Variants in HVCN1 observed in about 807,000 individuals in gnomAD.
HVCN1 encodes voltage-gated hydrogen channel 1.
HVCN1 carries 14 observed loss-of-function variants against 29.2 expected under a neutral mutation model. The observed-to-expected ratio is 0.48, with a 90% CI of 0.32 to 0.75. HVCN1 has a LOEUF of 0.75. HVCN1 is among the 30% of genes least tolerant of loss of function. The probability of loss-of-function intolerance (pLI) is 0.04; values close to 1 mark genes in which losing one functional copy is unlikely to be tolerated. For missense variants in HVCN1, 263 were observed against 341.8 expected (o/e 0.77, Z 1.82); for synonymous variants, 131 against 133.2 (o/e 0.98, Z 0.11).
intron 4 of HVCN1, among the ~76,000 whole-genome samples, chr12:110,656,310 T>G (rs2067988519): frequency 1.3e-5 from 2 of 152,122 alleles, no homozygotes; most frequent in Non-Finnish European, 2.9e-5. Context: ...CACAGCCTCC[T>G]GGGCTTTGTG....
At chr12:110,683,908 C>CT (rs1408795931) in intron 2 of HVCN1, among the ~76,000 whole-genome samples, 4 of 90,654 alleles carry the variant, frequency 4.4e-5, no homozygotes, top group Non-Finnish European at 5.9e-5. Flanking sequence ...AAGACTCTAT[C>CT]TAAAAAAAAA....
At position 110,661,493 on chromosome 12, in the gene HVCN1, C is replaced by T. The variant is rs772491949; in HGVS notation, c.22-45G>A. ...AGCAAGAGCTTCAGGCAGTTGGCCA[C>T]TCAGAGCCCACATGGCCCAGGCCGG... On this transcript the variant is annotated intron_variant, in intron 3 of 7. Transcript: ENST00000242607. This position sits in a 1 kb window ranked among gnomAD's most constrained non-coding sequence, Gnocchi z 6.2. 6.3e-7 allele frequency: 1 copy of T among 1,592,216 alleles called. No individual in the cohort carries two copies. The highest frequency in any genetic ancestry group is 2.2e-5 in the East Asian group (1 of 44,626).
intron 2 of HVCN1, among the ~76,000 whole-genome samples, chr12:110,700,135 G>A (rs73194023): frequency 0.059 from 8,913 of 152,324 alleles, 354 homozygotes; most frequent in Middle Eastern, 0.095. Flanking sequence ...CATGAACAAA[G>A]GAGACAGGAA....
chr12:110,699,860 T>C (rs532245573), intron 2 of HVCN1, among the ~76,000 whole-genome samples: 2 of 152,316 alleles, frequency 1.3e-5, no homozygotes, highest in South Asian at 4.1e-4. Flanking sequence ...GCCAGCGCTA[T>C]TTCTCATGCC....
chr12:110,677,245 T>C (rs1252180330), intron 3 of HVCN1, among the ~76,000 whole-genome samples: 1 of 151,156 alleles, frequency 6.6e-6, no homozygotes, highest in Non-Finnish European at 1.5e-5. Flanking sequence ...AGAAGCCCAC[T>C]CCTGTTTTGC....
At chr12:110,682,328 T>C (rs908424407) in intron 3 of HVCN1, among the ~76,000 whole-genome samples, 2 of 152,100 alleles carry the variant, frequency 1.3e-5, no homozygotes, top group African/African-American at 4.8e-5. Context: ...GCCTCCCTAG[T>C]AGCTGGGATT....
chr12:110,683,650 T>A (rs111630907), intron 2 of HVCN1, among the ~76,000 whole-genome samples: 12,179 of 152,088 alleles, frequency 0.08, 532 homozygotes, highest in Middle Eastern at 0.11. Flanking sequence ...TGGCTCACAC[T>A]TGTAATCCCA....
intron 5 of HVCN1, among the ~76,000 whole-genome samples, chr12:110,654,565 G>A (rs753139143): frequency 1.2e-4 from 17 of 146,588 alleles, no homozygotes; most frequent in Non-Finnish European, 1.6e-4. Context: ...TGCAGCCTCC[G>A]CCTCTGGGGT....
chr12:110,680,053 A>G (rs2068903057), intron 3 of HVCN1, among the ~76,000 whole-genome samples: 1 of 152,178 alleles, frequency 6.6e-6, no homozygotes, highest in South Asian at 2.1e-4. Context: ...ACACTCAAAA[A>G]GCTCTAAAAG....
In HVCN1 at chr12:110,649,395, G is replaced by C; in HGVS notation, c.*15C>G. 6.2e-7 allele frequency: 1 copy of C among 1,601,030 alleles called. No homozygotes were observed. The highest frequency in any genetic ancestry group is 8.5e-7 in the Non-Finnish European group (1 of 1,170,126). On this transcript the variant is annotated 3_prime_UTR_variant, in exon 8 of 8. Coordinates refer to ENST00000242607, the MANE Select transcript of HVCN1 (RefSeq NM_032369.4). ...ATGAGACAGTGTCTTCTTTTTGAGG[G>C]GAGCTGGTCCGGGTCTAGTTCACTT...
chr12:110,691,710 C>A (rs1430324982), upstream of HVCN1, among the ~76,000 whole-genome samples: 1 of 152,220 alleles, frequency 6.6e-6, no homozygotes, highest in East Asian at 1.9e-4. Flanking sequence ...AGGTGGTGAC[C>A]TCAACAGACC....
intron 3 of HVCN1, among the ~76,000 whole-genome samples, chr12:110,678,140 G>A (rs78611996): frequency 8.8e-4 from 134 of 152,298 alleles, no homozygotes; most frequent in African/African-American, 3.1e-3. Flanking sequence ...GAACAGAGAG[G>A]CCAGTGACTT....
At chr12:110,671,543 T>A (rs984325091) in intron 3 of HVCN1, among the ~76,000 whole-genome samples, 1 of 152,178 alleles carries the variant, frequency 6.6e-6, no homozygotes, top group African/African-American at 2.4e-5. Context: ...TGAGTTCCTG[T>A]TGTTGAAGCC....
chr12:110,662,920 A>G (rs1269607865), intron 3 of HVCN1, among the ~76,000 whole-genome samples: 1 of 152,038 alleles, frequency 6.6e-6, no homozygotes, highest in East Asian at 1.9e-4. Context: ...AGAAAGAAAA[A>G]CTCCATGGAA....
At chr12:110,691,162 A>G (rs1229736047), upstream of HVCN1, among the ~76,000 whole-genome samples, 1 of 151,778 alleles carries the variant, frequency 6.6e-6, no homozygotes, top group Non-Finnish European at 1.5e-5. Context: ...TCCCAGGTTC[A>G]TGCCATTCTC....
At chr12:110,683,782 G>T (rs1168627919) in intron 2 of HVCN1, among the ~76,000 whole-genome samples, 1 of 151,816 alleles carries the variant, frequency 6.6e-6, no homozygotes, top group Non-Finnish European at 1.5e-5. Context: ...ATGGTGGTGG[G>T]GACCTGTAAT....
At chr12:110,659,224 T>C (rs186596639) in intron 4 of HVCN1, among the ~76,000 whole-genome samples, 25 of 152,072 alleles carry the variant, frequency 1.6e-4, no homozygotes, top group African/African-American at 6.0e-4. Context: ...TCTTTTACCC[T>C]GGAGTAAAGT....
At chr12:110,685,505 A>C (rs2069144136) in intron 2 of HVCN1, among the ~76,000 whole-genome samples, 1 of 152,218 alleles carries the variant, frequency 6.6e-6, no homozygotes, top group African/African-American at 2.4e-5. Flanking sequence ...CTAACACAGT[A>C]TCTCAGAGGT....
intron 3 of HVCN1, among the ~76,000 whole-genome samples, chr12:110,679,243 C>T (rs1309661583): frequency 2.0e-5 from 3 of 152,264 alleles, no homozygotes; most frequent in African/African-American, 2.4e-5. Context: ...GATGTGCAGC[C>T]GAGGTGGGTA....
Sources: gnomAD v4.1 joint callset for allele counts (sites outside exome capture counted in the v4.1 genomes callset) on GRCh38, gnomAD v4.1.1 for gene constraint, Gnocchi (gnomAD v3.1) non-coding constraint, MANE v1.5 for transcripts, NCBI Gene and HGNC (gene_info 2026-07-23, HGNC 2026-07-21) for gene names.